Variants in CEP78 observed in about 807,000 individuals in gnomAD.
The protein encoded by CEP78 is centrosomal protein of 78 kDa.
A neutral mutation model predicts 81.2 loss-of-function variants in CEP78; 76 were observed. The observed-to-expected ratio is 0.94, with a 90% CI of 0.78 to 1.13. The LOEUF (loss-of-function observed/expected upper bound fraction) is 1.13, where lower values mean the gene tolerates loss of function less well. CEP78 is among the 50% of genes most tolerant of loss of function. CEP78 has a pLI of 0.00. For synonymous variants in CEP78, 293 were observed against 301.4 expected, an observed-to-expected ratio of 0.97 and a Z score of 0.29; for missense variants, 918 against 846.8, an observed-to-expected ratio of 1.08 and a Z score of -1.04.
intron 3 of CEP78, among the ~76,000 whole-genome samples, chr9:78,240,682 C>T (rs535202536): frequency 3.9e-5 from 6 of 152,152 alleles, no homozygotes; most frequent in South Asian, 4.1e-4. Flanking sequence ...GTAAAGAGGC[C>T]GGGCGTGGTG....
At chr9:78,236,969 CT>C (rs71360676) in intron 1 of CEP78, among the ~76,000 whole-genome samples, 444 of 62,054 alleles carry the variant, frequency 7.2e-3, no homozygotes, top group African/African-American at 0.011. Context: ...CAGCCTTTGT[CT>C]TTTTTTTTTT....
chr9:78,255,571 A>G (rs980566005), intron 11 of CEP78, among the ~76,000 whole-genome samples: 10 of 152,126 alleles, frequency 6.6e-5, no homozygotes, highest in South Asian at 4.1e-4. Flanking sequence ...CACATGGTGG[A>G]AGGGCAGTTA....
chr9:78,250,379 A>C (rs979204677), intron 8 of CEP78: 1 of 395,988 alleles, frequency 2.5e-6, no homozygotes, highest in Admixed American at 4.4e-5. Context: ...GTGCAGACAG[A>C]AGATAGGAAA....
chr9:78,265,774 A>G (rs1827500294), intron 14 of CEP78, 85 bp from the exon 15 acceptor site: 3 of 799,720 alleles, frequency 3.8e-6, no homozygotes, highest in Non-Finnish European at 6.3e-6. Context: ...AAAGTAGACT[A>G]TCCTCAGTGA....
chr9:78,269,536 A>G (rs533528758), intron 16 of CEP78, among the ~76,000 whole-genome samples: 1 of 152,346 alleles, frequency 6.6e-6, no homozygotes, highest in South Asian at 2.1e-4. Flanking sequence ...TAAGCAAAGA[A>G]AGGATTCTGA....
chr9:78,258,941 G>A (rs1024065080), intron 11 of CEP78, among the ~76,000 whole-genome samples: 12 of 152,152 alleles, frequency 7.9e-5, no homozygotes, highest in Non-Finnish European at 1.3e-4. Flanking sequence ...TTTGGAAAGC[G>A]TTTAGCATTG....
intron 6 of CEP78, among the ~76,000 whole-genome samples, chr9:78,247,741 C>CT (rs1826562340): frequency 6.6e-6 from 1 of 152,066 alleles, no homozygotes; most frequent in African/African-American, 2.4e-5. Context: ...TTAGAGATGG[C>CT]TATGGCTTCA....
At position 78,240,259 on chromosome 9, in the gene CEP78, A is replaced by G. The variant is rs781565364; in HGVS notation, c.427-33A>G. The G allele has an allele frequency of 2.2e-5, 35 of 1,611,308 alleles. No individual in the cohort carries two copies. The Admixed American group carries it at 5.7e-4, about 26-fold the overall frequency. On this transcript the variant is annotated intron_variant, in intron 2 of 16. Coordinates refer to ENST00000643273, the MANE Select transcript of CEP78 (RefSeq NM_001330691.3). ...TTGCTTTTAGAGGAAAAAAAACCTCAATAACATTTTTAACTTTTCCCCCTC... is the reference window on the plus strand; with the variant it reads ...TTGCTTTTAGAGGAAAAAAAACCTCGATAACATTTTTAACTTTTCCCCCTC...
At position 78,236,449 on chromosome 9, in the gene CEP78, C is replaced by A; in HGVS notation, c.99C>A (p.Ala33=). ...CALQNSVPLP[A]VRACLREGVL... ...TGCAGAACTCGGTGCCGCTGCCCGC[C>A]GTGCGCGCCTGTCTCCGGGAGGGCG... Residue 33 remains alanine (A), a synonymous_variant, in exon 1 of 17, where the codon GCC becomes GCA. Coordinates refer to ENST00000643273, the MANE Select transcript of CEP78 (RefSeq NM_001330691.3). 1 of 1,604,424 alleles carries A rather than the reference C, an allele frequency of 6.2e-7. No individual in the cohort carries two copies. Among genetic ancestry groups the A allele is most frequent in the Non-Finnish European group, 8.5e-7 (1 of 1,175,810 alleles).
At chr9:78,243,367 G>A in intron 4 of CEP78, 95 bp from the exon 5 acceptor site, 1 of 1,018,434 alleles carries the variant, frequency 9.8e-7, no homozygotes. Context: ...TGGTGTGTGT[G>A]TAAAGCTCTG....
At position 78,241,735 on chromosome 9, in the gene CEP78, CA is replaced by C; in HGVS notation, c.540del (p.Val181SerfsTer8). On this transcript the variant is annotated frameshift_variant, in exon 4 of 17. Transcript: ENST00000643273. LOFTEE classifies it high-confidence loss of function. ...ATAAAGAGCTCTATCACTCTTAAGA[CA>C]GTCAACTTCACAGGATGTAATCTGA... ...QGIKSSITLK[T>X]VNFTGCNLTW... is the part of the protein sequence containing the mutation. 1 of 1,608,808 alleles carries C rather than the reference CA, an allele frequency of 6.2e-7. No individual in the cohort carries two copies. Among genetic ancestry groups the C allele is most frequent in the South Asian group, 1.1e-5 (1 of 90,796 alleles).
chr9:78,246,739 T>G lies in CEP78; in HGVS notation c.849T>G (p.Asn283Lys). The G allele has an allele frequency of 6.2e-7, 1 of 1,610,726 alleles. No homozygotes were observed. The highest frequency in any genetic ancestry group is 8.5e-7 in the Non-Finnish European group (1 of 1,178,422). ...CTTTGCTAGAGGCCCTTGAAACCAA[T>G]ACAACTCTGGTCGTTCTGGATATAA... ...AKALLEALET[N>K]TTLVVLDIRK... The change falls in exon 6 of 17, where the codon AAT becomes AAG. Residue 283 changes from asparagine to lysine, a missense_variant. Coordinates refer to ENST00000643273, the MANE Select transcript of CEP78 (RefSeq NM_001330691.3).
rs765143446 is a variant in CEP78 at position 78,236,391 on chromosome 9, ACTT to A, written c.47_49del (p.Phe16del). On this transcript the variant is annotated inframe_deletion, in exon 1 of 17. Coordinates refer to ENST00000643273, the MANE Select transcript of CEP78 (RefSeq NM_001330691.3). ...AAGCTGCGCCGCGACAGCGCGGCGG[ACTT>A]CTTCTCCCACTACGAGTACCTGTGC... 338 of 1,593,102 alleles carry A rather than the reference ACTT, an allele frequency of 2.1e-4. 1 individual carries two copies. The highest frequency in any genetic ancestry group is 1.5e-3 in the Admixed American group (85 of 57,680).
At chr9:78,267,422 T>G (rs891182234) in intron 16 of CEP78, among the ~76,000 whole-genome samples, 1 of 152,252 alleles carries the variant, frequency 6.6e-6, no homozygotes, top group Non-Finnish European at 1.5e-5. Context: ...CAGAAGCCAT[T>G]GACATATTCT....
Position 78,275,765 on chromosome 9 carries a change from T to TA in CEP78, c.*4920dup, listed in dbSNP as rs1206895247. The TA allele has an allele frequency of 1.3e-5, 2 of 151,234 alleles. No individual in the cohort carries two copies. Among genetic ancestry groups the TA allele is most frequent in the Admixed American group, 1.3e-4 (2 of 15,076 alleles). The allele number at this position is 151,234 out of a possible 1,614,324, so 9.4% of individuals were successfully genotyped here. ...GGCAAGACCTCATCTCTACAAAAAT[T>TA]AAAAAACAAAACAAAACAAAAAAAC... On this transcript the variant is annotated 3_prime_UTR_variant, in exon 17 of 17. Transcript: ENST00000643273.
In CEP78 at chr9:78,265,460, C is replaced by A; in HGVS notation, c.1714C>A (p.Pro572Thr). ...CCAGATGACTTCTACTGTTAGTAATCCACCTAAAGAAGAAAAGAAGGCGCT... is the reference window on the plus strand; with the variant it reads ...CCAGATGACTTCTACTGTTAGTAATACACCTAAAGAAGAAAAGAAGGCGCT... Reference protein sequence around the residue: ...HPQMTSTVSNPPKEEKKALED... With the variant: ...HPQMTSTVSNTPKEEKKALED... Residue 572 changes from proline (P) to threonine (T), a missense_variant, in exon 14 of 17, where the codon CCA becomes ACA. Pro to Thr is a conservative substitution (Grantham distance 38). Coordinates refer to ENST00000643273, the MANE Select transcript of CEP78 (RefSeq NM_001330691.3). 8 of 1,596,680 alleles carry A rather than the reference C, an allele frequency of 5.0e-6. No individual in the cohort carries two copies. Among genetic ancestry groups the A allele is most frequent in the Non-Finnish European group, 6.8e-6 (8 of 1,171,088 alleles).
In CEP78 at chr9:78,240,063, G is replaced by A. The variant is rs368318125; in HGVS notation, c.294G>A (p.Ala98=). 2.5e-5 allele frequency: 40 copies of A among 1,583,394 alleles called. No homozygotes were observed. In the East Asian group the frequency reaches 4.7e-4, roughly 19 times the overall value. Residue 98 remains alanine, a synonymous_variant, in exon 2 of 17, where the codon GCG becomes GCA. Transcript: ENST00000643273. ...MNKFCRSRVP[A]IRYKDVTFQL... Reference sequence around the variant, plus strand: ...AATTTTGCAGAAGTCGTGTTCCTGCGATAAGATACAAAGATGTGACCTTCC... The same window carrying A: ...AATTTTGCAGAAGTCGTGTTCCTGCAATAAGATACAAAGATGTGACCTTCC...
rs549959217 is a variant in CEP78, at chr9:78,275,809, T to C, written c.*4958T>C. Reference sequence around the variant, plus strand: ...AAAAAACCCAAAACTTAGCCAGGCATGGTGGTGCGTGCATGTAGTCCCAGC... The same window carrying C: ...AAAAAACCCAAAACTTAGCCAGGCACGGTGGTGCGTGCATGTAGTCCCAGC... On this transcript the variant is annotated 3_prime_UTR_variant, in exon 17 of 17. Coordinates refer to ENST00000643273, the MANE Select transcript of CEP78 (RefSeq NM_001330691.3). 2.0e-5 allele frequency: 3 copies of C among 152,288 alleles called. No homozygotes were observed. The East Asian group carries it at 5.8e-4, about 29-fold the overall frequency. 9.4% of individuals were successfully genotyped at this position (152,288 alleles called of 1,614,324 possible). A position where few individuals can be genotyped will look rare whatever the true frequency, so the allele number is the denominator to read the frequency against.
chr9:78,246,635 A>G, intron 5 of CEP78, 34 bp from the exon 6 acceptor site: 1 of 1,334,214 alleles, frequency 7.5e-7, no homozygotes, highest in Non-Finnish European at 1.1e-6. Flanking sequence ...ATCTGTATAG[A>G]ATTAGCAAGT....
Sources: gnomAD v4.1 joint callset for allele counts (sites outside exome capture counted in the v4.1 genomes callset) on GRCh38, gnomAD v4.1.1 for gene constraint, MANE v1.5 for transcripts, NCBI Gene and HGNC (gene_info 2026-07-23, HGNC 2026-07-21) for gene names.